FGF14: variants seen among roughly 807,000 people sequenced by gnomAD.
FGF14 encodes the protein fibroblast growth factor homologous factor 4.
In FGF14, 5 loss-of-function variants were observed where a neutral mutation model predicts 25.5. The ratio of observed to expected loss-of-function variants is 0.20; its 90% CI spans 0.10 to 0.41. The LOEUF (loss-of-function observed/expected upper bound fraction) is 0.41, where lower values mean the gene tolerates loss of function less well. Among genes scored for constraint, FGF14 ranks in the 10% least tolerant of loss-of-function variants. FGF14 has a pLI of 1.00. For missense variants in FGF14, 222 were observed against 320.1 expected (o/e 0.69, Z 2.34); for synonymous variants, 138 against 118.3 (o/e 1.17, Z -1.08).
At chr13:102,129,320 C>T (rs1195209038) in intron 1 of FGF14, among the ~76,000 whole-genome samples, 2 of 152,054 alleles carry the variant, frequency 1.3e-5, no homozygotes, top group Non-Finnish European at 2.9e-5. Flanking sequence ...CCATGTTGAA[C>T]TGATTACTGA....
intron 3 of FGF14, among the ~76,000 whole-genome samples, chr13:101,777,169 C>T (rs758960304): frequency 3.9e-5 from 6 of 152,170 alleles, no homozygotes; most frequent in Admixed American, 6.5e-5. Context: ...TGGTATTAGA[C>T]AGTGGGGCCT....
intron 1 of FGF14, among the ~76,000 whole-genome samples, chr13:102,152,248 T>C (rs1449994777): frequency 6.6e-6 from 1 of 152,202 alleles, no homozygotes; most frequent in African/African-American, 2.4e-5. Flanking sequence ...CTCCTAAACA[T>C]CAAAGCAAAG....
intron 3 of FGF14, among the ~76,000 whole-genome samples, chr13:101,843,184 G>T (rs1295580751): frequency 6.6e-6 from 1 of 152,026 alleles, no homozygotes; most frequent in African/African-American, 2.4e-5. Flanking sequence ...TGAATTTTTT[G>T]AAGATTAATG....
chr13:101,905,956 C>T (rs1331140118), intron 1 of FGF14, among the ~76,000 whole-genome samples: 1 of 152,124 alleles, frequency 6.6e-6, no homozygotes, highest in Non-Finnish European at 1.5e-5. Flanking sequence ...ACCAACAACA[C>T]CCTGTTGTTG....
At chr13:101,769,154 C>T (rs761256678) in intron 3 of FGF14, among the ~76,000 whole-genome samples, 2 of 152,046 alleles carry the variant, frequency 1.3e-5, no homozygotes, top group Admixed American at 6.6e-5. Context: ...AAGACCTTAA[C>T]AGATAAGTTG....
intron 1 of FGF14, among the ~76,000 whole-genome samples, chr13:102,088,224 CA>C (rs1400267130): frequency 6.6e-6 from 1 of 152,206 alleles, no homozygotes; most frequent in African/African-American, 2.4e-5. Context: ...TGCAATCAGT[CA>C]GAGACTAAGT....
At chr13:101,883,460 G>A (rs1417822342) in intron 1 of FGF14, among the ~76,000 whole-genome samples, 1 of 152,160 alleles carries the variant, frequency 6.6e-6, no homozygotes, top group Non-Finnish European at 1.5e-5. Flanking sequence ...GGCATTTACT[G>A]TGAATCTACT....
intron 1 of FGF14, among the ~76,000 whole-genome samples, chr13:102,317,974 A>G (rs1227199674): frequency 2.0e-5 from 3 of 152,218 alleles, no homozygotes; most frequent in Non-Finnish European, 4.4e-5. Flanking sequence ...TTGCAAGACC[A>G]TAGACATCGG....
intron 3 of FGF14, among the ~76,000 whole-genome samples, chr13:101,864,317 G>A (rs1253928865): frequency 6.6e-6 from 1 of 152,134 alleles, no homozygotes; most frequent in African/African-American, 2.4e-5. Context: ...TTCAATGCCT[G>A]AGTAGTCCAT....
chr13:102,230,309 T>C (rs558756912), intron 1 of FGF14, among the ~76,000 whole-genome samples: 3 of 152,198 alleles, frequency 2.0e-5, no homozygotes, highest in Admixed American at 6.5e-5. Context: ...GTTTATGATA[T>C]TTCTTTATAG....
intron 3 of FGF14, among the ~76,000 whole-genome samples, chr13:101,825,520 T>C (rs923382474): frequency 9.9e-5 from 15 of 152,270 alleles, no homozygotes; most frequent in African/African-American, 3.6e-4. Flanking sequence ...TATTAAGAAA[T>C]CTAGAATAGA....
At chr13:101,774,096 AAT>A (rs765477617) in intron 3 of FGF14, among the ~76,000 whole-genome samples, 84 of 152,186 alleles carry the variant, frequency 5.5e-4, no homozygotes, top group Non-Finnish European at 1.0e-3. Flanking sequence ...TAACATAAGC[AAT>A]TGCTACTGTC....
At chr13:102,294,610 A>G (rs1480345285) in intron 1 of FGF14, among the ~76,000 whole-genome samples, 3 of 152,148 alleles carry the variant, frequency 2.0e-5, no homozygotes, top group Non-Finnish European at 4.4e-5. Flanking sequence ...TTGTGTTTGA[A>G]TATTTGAGTG....
At chr13:102,364,157 TC>T (rs2057644371) in intron 1 of FGF14, among the ~76,000 whole-genome samples, 1 of 152,256 alleles carries the variant, frequency 6.6e-6, no homozygotes, top group Non-Finnish European at 1.5e-5. Flanking sequence ...ACTTTTTAAG[TC>T]AATTTCAACA....
rs769010033 is a variant in FGF14 at position 101,723,011 on chromosome 13, G to A, written c.608-44C>T. 7 of 1,611,834 alleles carry A rather than the reference G, an allele frequency of 4.3e-6. No homozygotes were observed. The South Asian group carries it at 6.6e-5, about 15-fold the overall frequency. On this transcript the variant is annotated intron_variant, in intron 4 of 4. Coordinates refer to ENST00000376143, the MANE Select transcript of FGF14 (RefSeq NM_004115.4). Reference sequence around the variant, plus strand: ...GAGGAGGAAAAGCAAACATTGCTTGGTTAGGTGTGAGAATGGTCCATCCAT... The same window carrying A: ...GAGGAGGAAAAGCAAACATTGCTTGATTAGGTGTGAGAATGGTCCATCCAT...
At chr13:102,166,574 T>C (rs1026357101) in intron 1 of FGF14, among the ~76,000 whole-genome samples, 1 of 152,160 alleles carries the variant, frequency 6.6e-6, no homozygotes, top group Non-Finnish European at 1.5e-5. Context: ...GTTGGTGATG[T>C]TGCTGTTTAA....
intron 1 of FGF14, among the ~76,000 whole-genome samples, chr13:102,298,671 G>C (rs1227931150): frequency 6.6e-6 from 1 of 152,140 alleles, no homozygotes; most frequent in African/African-American, 2.4e-5. Flanking sequence ...CTAGACACAA[G>C]GGTGATTGCC....
chr13:101,821,810 GCTAT>G (rs1462496108), intron 3 of FGF14, among the ~76,000 whole-genome samples: 5 of 152,166 alleles, frequency 3.3e-5, no homozygotes, highest in African/African-American at 4.8e-5. Context: ...AAATTTCTTG[GCTAT>G]CTGTGTATCT....
At chr13:102,297,416 T>C (rs1311312327) in intron 1 of FGF14, among the ~76,000 whole-genome samples, 1 of 151,982 alleles carries the variant, frequency 6.6e-6, no homozygotes, top group Non-Finnish European at 1.5e-5. Flanking sequence ...TCCTAGTAAA[T>C]TGTGGGCTTT....
Sources: gnomAD v4.1 joint callset for allele counts (sites outside exome capture counted in the v4.1 genomes callset) on GRCh38, gnomAD v4.1.1 for gene constraint, MANE v1.5 for transcripts, NCBI Gene and HGNC (gene_info 2026-07-23, HGNC 2026-07-21) for gene names.